Variants in PCDHGA1 observed in about 807,000 individuals in gnomAD.
PCDHGA1 encodes the protein protocadherin gamma-A1.
In PCDHGA1, 32 loss-of-function variants were observed where a neutral mutation model predicts 58.0. The observed-to-expected ratio is 0.55, with a 90% CI of 0.42 to 0.74. PCDHGA1 has a LOEUF of 0.74. Ranked by LOEUF, PCDHGA1 falls within the 30% of genes least tolerant of loss-of-function variation. The pLI is 0.00. For synonymous variants in PCDHGA1, 498 were observed against 501.1 expected (o/e 0.99, Z 0.08); for missense variants, 1,205 against 1,182.3 (o/e 1.02, Z -0.28).
chr5:141,463,018 T>C (rs1318740358), intron 1 of PCDHGA1, among the ~76,000 whole-genome samples: 1 of 152,212 alleles, frequency 6.6e-6, no homozygotes, highest in Admixed American at 6.5e-5. Flanking sequence ...AATTCTGACT[T>C]TTTTGATTAA....
chr5:141,508,535 C>A (rs1294413041), intron 3 of PCDHGA1, among the ~76,000 whole-genome samples: 1 of 152,172 alleles, frequency 6.6e-6, no homozygotes, highest in Non-Finnish European at 1.5e-5. Context: ...GGGCACCCCC[C>A]ACGAGGTGGG....
At chr5:141,430,986 C>G (rs549700048) in intron 1 of PCDHGA1, 1 of 1,613,762 alleles carries the variant, frequency 6.2e-7, no homozygotes, top group African/African-American at 1.3e-5. Context: ...CAGCTTTTCG[C>G]CCTGAATCCG....
Position 141,486,107 on chromosome 5 carries a change from A to T in PCDHGA1, c.2422-8700A>T, listed in dbSNP as rs758269750. ...TCTTTTGGGGCCCCTAGACTTTGAG[A>T]GTGAGAATTACTATGAATTTGATGT... is the stretch of plus-strand genomic sequence containing the variant. On this transcript the variant is annotated intron_variant, in intron 1 of 3. Transcript: ENST00000517417. The surrounding 1 kb of genome is among the most constrained non-coding windows in gnomAD (Gnocchi z 5.0). The T allele has an allele frequency of 6.2e-7, 1 of 1,614,102 alleles. No individual in the cohort carries two copies. Among genetic ancestry groups the T allele is most frequent in the South Asian group, 1.1e-5 (1 of 91,080 alleles).
intron 1 of PCDHGA1, chr5:141,340,682 G>T (rs147953582): frequency 5.0e-6 from 8 of 1,614,210 alleles, no homozygotes; most frequent in Non-Finnish European, 5.9e-6. Flanking sequence ...CCCCACAGAC[G>T]GTTCCACTGG....
intron 1 of PCDHGA1, chr5:141,364,978 T>C (rs753013611): frequency 1.9e-5 from 31 of 1,613,774 alleles, no homozygotes; most frequent in Admixed American, 5.0e-5. Context: ...CAGCTTTAGA[T>C]GGCGGAGACC....
intron 1 of PCDHGA1, chr5:141,356,341 C>T (rs1022494499): frequency 4.5e-6 from 7 of 1,554,834 alleles, no homozygotes; most frequent in Non-Finnish European, 6.1e-6. Context: ...AGGAAATGGC[C>T]TAGTCACATG....
chr5:141,333,260 C>T, intron 1 of PCDHGA1, 155 bp downstream of exon 1: 1 of 1,034,074 alleles, frequency 9.7e-7, no homozygotes, highest in South Asian at 1.6e-5. Context: ...TGAGTCTACA[C>T]GTTCATATGC....
chr5:141,472,337 C>T (rs1327386198), intron 1 of PCDHGA1, among the ~76,000 whole-genome samples: 1 of 151,764 alleles, frequency 6.6e-6, no homozygotes, highest in Non-Finnish European at 1.5e-5. Context: ...GTTGGGAGAT[C>T]GAGACCATCC....
At chr5:141,400,168 C>T (rs1042097050) in intron 1 of PCDHGA1, 5 of 1,614,088 alleles carry the variant, frequency 3.1e-6, no homozygotes, top group Non-Finnish European at 4.2e-6. Flanking sequence ...CTCTGACCCC[C>T]AGGCTGAGCT....
intron 1 of PCDHGA1, chr5:141,346,486 A>G (rs1561492432): frequency 6.2e-7 from 1 of 1,613,124 alleles, no homozygotes; most frequent in Non-Finnish European, 8.5e-7. Context: ...TTGATTATTA[A>G]GAACAAATAT....
intron 1 of PCDHGA1, chr5:141,364,901 T>C (rs867026353): frequency 1.9e-6 from 3 of 1,613,962 alleles, no homozygotes; most frequent in Middle Eastern, 3.3e-4. Context: ...TGGACAAAAG[T>C]ATCCGGAGCT....
At chr5:141,439,266 G>A (rs1314903524) in intron 1 of PCDHGA1, among the ~76,000 whole-genome samples, 1 of 151,952 alleles carries the variant, frequency 6.6e-6, no homozygotes, top group Non-Finnish European at 1.5e-5. Context: ...TCAGCCAACA[G>A]TTCATTCTGA....
At chr5:141,376,171 G>C (rs758847977) in intron 1 of PCDHGA1, 5 of 1,614,096 alleles carry the variant, frequency 3.1e-6, no homozygotes. Flanking sequence ...TGGTGGTGGC[G>C]GTGGCCGCGG....
intron 1 of PCDHGA1, among the ~76,000 whole-genome samples, chr5:141,461,267 T>C (rs2099012147): frequency 6.6e-6 from 1 of 152,140 alleles, no homozygotes; most frequent in Admixed American, 6.6e-5. Flanking sequence ...AATGTGTAAG[T>C]GTTCTCTTTT....
chr5:141,462,792 G>C (rs2099046915), intron 1 of PCDHGA1, among the ~76,000 whole-genome samples: 1 of 152,080 alleles, frequency 6.6e-6, no homozygotes, highest in Admixed American at 6.6e-5. Flanking sequence ...TTGCTTATTT[G>C]CATGTCTAAT....
At chr5:141,506,962 G>A (rs2099857578) in intron 3 of PCDHGA1, 1 of 152,196 alleles carries the variant, frequency 6.6e-6, no homozygotes, top group Non-Finnish European at 1.5e-5. Context: ...CCTCTCAATA[G>A]CTCTGCAAGG....
chr5:141,456,712 C>T (rs1025899058), intron 1 of PCDHGA1, among the ~76,000 whole-genome samples: 2 of 152,190 alleles, frequency 1.3e-5, no homozygotes, highest in African/African-American at 4.8e-5. Context: ...CGCCTGTAAT[C>T]CCAGCACTTT....
At chr5:141,382,467 A>G (rs992224398) in intron 1 of PCDHGA1, among the ~76,000 whole-genome samples, 1 of 152,262 alleles carries the variant, frequency 6.6e-6, no homozygotes, top group Non-Finnish European at 1.5e-5. Flanking sequence ...TTTTTTAAAA[A>G]TTATCTAAGA....
intron 1 of PCDHGA1, among the ~76,000 whole-genome samples, chr5:141,335,512 A>G (rs2149716546): frequency 1.3e-5 from 2 of 152,312 alleles, no homozygotes; most frequent in Non-Finnish European, 1.5e-5. Flanking sequence ...TGAAAAATAT[A>G]GCTTAGAAAA....
Sources: gnomAD v4.1 joint callset for allele counts (sites outside exome capture counted in the v4.1 genomes callset) on GRCh38, gnomAD v4.1.1 for gene constraint, Gnocchi (gnomAD v3.1) non-coding constraint, MANE v1.5 for transcripts, NCBI Gene and HGNC (gene_info 2026-07-23, HGNC 2026-07-21) for gene names.